The following ZCCHC7 variants were observed in gnomAD, a reference collection of about 807,000 sequenced individuals.
ZCCHC7 encodes zinc finger CCHC-type containing 7, also known as zinc finger CCHC domain-containing protein 7.
A neutral mutation model predicts 52.0 loss-of-function variants in ZCCHC7; 35 were observed. That is an observed-to-expected ratio of 0.67 (90% confidence interval 0.51 to 0.89). ZCCHC7 has a LOEUF of 0.89. Ranked by LOEUF, ZCCHC7 falls within the 40% of genes least tolerant of loss-of-function variation. The probability of loss-of-function intolerance (pLI) is 0.00; values close to 1 mark genes in which losing one functional copy is unlikely to be tolerated. For missense variants in ZCCHC7, 574 were observed against 649.1 expected, an observed-to-expected ratio of 0.88 and a Z score of 1.26; for synonymous variants, 217 against 221.5, an observed-to-expected ratio of 0.98 and a Z score of 0.18.
intron 2 of ZCCHC7, among the ~76,000 whole-genome samples, chr9:37,251,044 G>A (rs888769551): frequency 1.3e-5 from 2 of 152,142 alleles, no homozygotes; most frequent in African/African-American, 2.4e-5. Context: ...AGTTCTCTCA[G>A]TCTAGGCATG....
intron 2 of ZCCHC7, among the ~76,000 whole-genome samples, chr9:37,267,727 G>A (rs1188661890): frequency 2.6e-5 from 4 of 151,762 alleles, no homozygotes; most frequent in Admixed American, 6.6e-5. Context: ...CTGCCACCAC[G>A]CCTGGCTAAT....
intron 2 of ZCCHC7, among the ~76,000 whole-genome samples, chr9:37,271,865 C>T (rs76208243): frequency 0.03 from 4,568 of 152,220 alleles, 240 homozygotes; most frequent in African/African-American, 0.1. Context: ...TCACTGCGCC[C>T]GGCCATTATT....
At chr9:37,150,469 T>C (rs908466773) in intron 2 of ZCCHC7, among the ~76,000 whole-genome samples, 1 of 152,232 alleles carries the variant, frequency 6.6e-6, no homozygotes, top group African/African-American at 2.4e-5. Context: ...CATTGTTCTT[T>C]TCTATGGTGA....
intron 2 of ZCCHC7, among the ~76,000 whole-genome samples, chr9:37,132,621 G>A (rs1842833183): frequency 6.6e-6 from 1 of 151,412 alleles, no homozygotes; most frequent in African/African-American, 2.5e-5. Flanking sequence ...GTCCCTCAGT[G>A]TCTGTGGGGG....
intron 2 of ZCCHC7, among the ~76,000 whole-genome samples, chr9:37,202,657 T>A (rs1377544733): frequency 6.6e-6 from 1 of 152,142 alleles, no homozygotes; most frequent in Non-Finnish European, 1.5e-5. Context: ...ATTTTTAAAT[T>A]TTTTTGTAGA....
At chr9:37,257,503 G>A (rs1490960959) in intron 2 of ZCCHC7, among the ~76,000 whole-genome samples, 3 of 152,056 alleles carry the variant, frequency 2.0e-5, no homozygotes, top group African/African-American at 7.3e-5. Context: ...AGCCAGATAT[G>A]GAAAGACATT....
chr9:37,122,343 G>T (rs1588330041), intron 1 of ZCCHC7, among the ~76,000 whole-genome samples: 1 of 152,278 alleles, frequency 6.6e-6, no homozygotes, highest in East Asian at 1.9e-4. Flanking sequence ...TTTTATATTT[G>T]TTAAGGTATT....
intron 2 of ZCCHC7, among the ~76,000 whole-genome samples, chr9:37,258,528 G>A (rs573317517): frequency 1.6e-3 from 237 of 152,096 alleles, no homozygotes; most frequent in Non-Finnish European, 2.6e-3. Flanking sequence ...AGGCTGAGGC[G>A]GGCAGATTAC....
chr9:37,122,603 G>A (rs551458435), intron 1 of ZCCHC7, among the ~76,000 whole-genome samples: 1 of 152,286 alleles, frequency 6.6e-6, no homozygotes, highest in East Asian at 1.9e-4. Context: ...ATGAAGGAAG[G>A]TTTTTCTTCA....
At chr9:37,322,460 G>T (rs1284128333) in intron 5 of ZCCHC7, 1 of 151,896 alleles carries the variant, frequency 6.6e-6, no homozygotes, top group Admixed American at 6.6e-5. Context: ...ACATAAGTTT[G>T]AGTTGAATTA....
At chr9:37,281,719 G>A (rs1259616524) in intron 2 of ZCCHC7, among the ~76,000 whole-genome samples, 1 of 152,192 alleles carries the variant, frequency 6.6e-6, no homozygotes, top group Non-Finnish European at 1.5e-5. Context: ...GGAAGGAAAT[G>A]CTTAAGCTTG....
At chr9:37,135,047 G>A (rs1439647304) in intron 2 of ZCCHC7, among the ~76,000 whole-genome samples, 2 of 151,998 alleles carry the variant, frequency 1.3e-5, no homozygotes, top group Non-Finnish European at 2.9e-5. Flanking sequence ...ATAAATAGTG[G>A]CATACTATCT....
intron 2 of ZCCHC7, among the ~76,000 whole-genome samples, chr9:37,175,664 C>A (rs938924141): frequency 2.0e-5 from 3 of 152,104 alleles, no homozygotes; most frequent in Non-Finnish European, 4.4e-5. Context: ...ATTAAACCCC[C>A]GAGGAGGCTG....
chr9:37,319,492 A>G (rs1403610129), intron 5 of ZCCHC7, among the ~76,000 whole-genome samples: 5 of 152,164 alleles, frequency 3.3e-5, no homozygotes, highest in South Asian at 4.2e-4. Flanking sequence ...TAGTGGTGCA[A>G]TCTCGGCTCA....
intron 5 of ZCCHC7, among the ~76,000 whole-genome samples, chr9:37,322,576 C>T (rs1403393722): frequency 1.4e-5 from 2 of 139,902 alleles, no homozygotes; most frequent in African/African-American, 2.8e-5. Context: ...AATACAACAT[C>T]AGGATTATCT....
At chr9:37,328,223 C>T (rs1015099998) in intron 6 of ZCCHC7, among the ~76,000 whole-genome samples, 2 of 151,954 alleles carry the variant, frequency 1.3e-5, no homozygotes, top group African/African-American at 4.8e-5. Context: ...GTTGCTTTTA[C>T]TAAAACAGTT....
chr9:37,152,822 A>T (rs934423942), intron 2 of ZCCHC7, among the ~76,000 whole-genome samples: 1 of 152,124 alleles, frequency 6.6e-6, no homozygotes, highest in East Asian at 1.9e-4. Context: ...CCCAAACAGT[A>T]TTCTTTGGAA....
At chr9:37,350,427 C>T (rs1176736186) in intron 7 of ZCCHC7, among the ~76,000 whole-genome samples, 3 of 152,170 alleles carry the variant, frequency 2.0e-5, no homozygotes, top group Non-Finnish European at 1.5e-5. Context: ...CCACTGCGCC[C>T]GGCCCAATTT....
At chr9:37,322,442 A>G (rs1365099247) in intron 5 of ZCCHC7, 1 of 152,112 alleles carries the variant, frequency 6.6e-6, no homozygotes, top group African/African-American at 2.4e-5. Context: ...AGCATAGAAA[A>G]AAGGAATACA....
Sources: gnomAD v4.1 joint callset for allele counts (sites outside exome capture counted in the v4.1 genomes callset) on GRCh38, gnomAD v4.1.1 for gene constraint, MANE v1.5 for transcripts, NCBI Gene and HGNC (gene_info 2026-07-23, HGNC 2026-07-21) for gene names.